ECT2: variants seen among roughly 807,000 people sequenced by gnomAD.
ECT2 encodes epithelial cell transforming 2.
ECT2 carries 61 observed loss-of-function variants against 116.9 expected under a neutral mutation model. The ratio of observed to expected loss-of-function variants is 0.52; its 90% CI spans 0.42 to 0.65. ECT2 has a LOEUF of 0.65. ECT2 is among the 30% of genes least tolerant of loss of function. The probability of loss-of-function intolerance (pLI) is 0.00; values close to 1 mark genes in which losing one functional copy is unlikely to be tolerated. For synonymous variants in ECT2, 358 were observed against 346.4 expected, an observed-to-expected ratio of 1.03 and a Z score of -0.37; for missense variants, 937 against 1,078.7, an observed-to-expected ratio of 0.87 and a Z score of 1.84.
chr3:172,751,380 G>A (rs1715778072), intron 1 of ECT2, among the ~76,000 whole-genome samples: 2 of 152,212 alleles, frequency 1.3e-5, no homozygotes, highest in Admixed American at 1.3e-4. Flanking sequence ...GGATTTAGCC[G>A]GGCTTTGAAT....
rs755267624 is a variant in ECT2 at position 172,759,002 on chromosome 3, C to G, written c.509C>G (p.Pro170Arg). ...KGEPLPFSCR[P>R]LYCTSMMNLV... The stretch of plus-strand genomic sequence containing the variant: ...CAGCCTTTGCCATTTTCATGTCGCC[C>G]GTTGTATTGTACAAGTATGATGAAT... The change falls in exon 6 of 25, where the codon CCG becomes CGG. Residue 170 changes from proline (P) to arginine (R), a missense_variant. Coordinates refer to ENST00000392692, the MANE Select transcript of ECT2 (RefSeq NM_001258315.2). 1.2e-6 allele frequency: 2 copies of G among 1,609,998 alleles called. No homozygotes were observed. The highest frequency in any genetic ancestry group is 1.7e-6 in the Non-Finnish European group (2 of 1,178,948).
Position 172,782,149 on chromosome 3 carries a change from T to C in ECT2, c.1549-14T>C. On this transcript the variant is annotated splice_polypyrimidine_tract_variant and intron_variant, in intron 14 of 24. Coordinates refer to ENST00000392692, the MANE Select transcript of ECT2 (RefSeq NM_001258315.2). ...CAGGTTTAATTTTAAATATTTCAAT[T>C]CGTGCTATTTCAGGATGATCTTGAA... 6.6e-7 allele frequency: 1 copy of C among 1,506,948 alleles called. No homozygotes were observed. The highest frequency in any genetic ancestry group is 1.3e-5 in the South Asian group (1 of 76,086). 93.3% of individuals were successfully genotyped at this position (1,506,948 alleles called of 1,614,324 possible). A position where few individuals can be genotyped will look rare whatever the true frequency, so the allele number is the denominator to read the frequency against.
chr3:172,763,261 G>A (rs1001566571), intron 11 of ECT2, among the ~76,000 whole-genome samples: 8 of 152,172 alleles, frequency 5.3e-5, no homozygotes, highest in South Asian at 2.1e-4. Flanking sequence ...AGATTTGTAC[G>A]TAGTTAACGA....
At chr3:172,782,586 T>C (rs533589960) in intron 15 of ECT2, among the ~76,000 whole-genome samples, 1 of 152,344 alleles carries the variant, frequency 6.6e-6, no homozygotes, top group Admixed American at 6.5e-5. Context: ...GTTTATTATA[T>C]AGGTAAAATT....
intron 4 of ECT2, among the ~76,000 whole-genome samples, chr3:172,756,405 T>C (rs938935372): frequency 5.9e-5 from 9 of 152,306 alleles, no homozygotes; most frequent in African/African-American, 2.2e-4. Context: ...ACTTGCCTTT[T>C]TATATCCTAC....
chr3:172,774,250 T>C (rs1721232748), intron 14 of ECT2, among the ~76,000 whole-genome samples: 1 of 152,190 alleles, frequency 6.6e-6, no homozygotes, highest in South Asian at 2.1e-4. Flanking sequence ...CAGGTTTTAG[T>C]GCATTGATGT....
the ECT2 span, among the ~76,000 whole-genome samples, chr3:172,828,215 A>C: frequency 2.6e-5 from 4 of 152,216 alleles, no homozygotes; most frequent in African/African-American, 7.2e-5. Context: ...CTTTATTTAC[A>C]ATAATTAAAG....
chr3:172,751,168 TG>T (rs1323166706), intron 1 of ECT2: 3 of 152,396 alleles, frequency 2.0e-5, no homozygotes, highest in Admixed American at 6.5e-5. Context: ...CGCGCAGCCC[TG>T]TGGCTTTGGG....
chr3:172,772,623 CAA>C lies in ECT2; in HGVS notation c.1429-1279_1429-1278del, dbSNP rs544049778. Among the ~76,000 whole-genome samples, 865 of 152,118 alleles carry C rather than the reference CAA, an allele frequency of 5.7e-3. 4 individuals are homozygous for C. Among genetic ancestry groups the C allele is most frequent in the Admixed American group, 8.7e-3 (133 of 15,284 alleles). The stretch of plus-strand genomic sequence containing the variant: ...TGCTGAAGAAAAGTAAATTTTTATT[CAA>C]GTCTAATTTAACAGTTTTTTTCATT... On this transcript the variant is annotated intron_variant, in intron 13 of 24. Coordinates refer to ENST00000392692, the MANE Select transcript of ECT2 (RefSeq NM_001258315.2).
At chr3:172,809,001 C>G (rs1351897842) in intron 22 of ECT2, among the ~76,000 whole-genome samples, 1 of 151,828 alleles carries the variant, frequency 6.6e-6, no homozygotes. Flanking sequence ...CTAACAAATA[C>G]AATAGAATGC....
chr3:172,755,661 A>C, intron 4 of ECT2, 86 bp downstream of exon 4: 1 of 719,648 alleles, frequency 1.4e-6, no homozygotes, highest in South Asian at 2.1e-5. Flanking sequence ...AATTAGGCAC[A>C]AGGTGTATTG....
chr3:172,770,850 A>G (rs1720491085), intron 13 of ECT2, among the ~76,000 whole-genome samples: 2 of 152,242 alleles, frequency 1.3e-5, no homozygotes, highest in Middle Eastern at 3.4e-3. Context: ...ACTTTATACT[A>G]GAAGAGGAGA....
intron 7 of ECT2, among the ~76,000 whole-genome samples, chr3:172,760,757 G>T (rs1011358683): frequency 8.9e-6 from 1 of 112,560 alleles, no homozygotes; most frequent in African/African-American, 3.6e-5. Context: ...GTCTCTCTCT[G>T]TCACCCAGGC....
chr3:172,815,969 G>A (rs1437542254), intron 23 of ECT2, among the ~76,000 whole-genome samples: 4 of 152,082 alleles, frequency 2.6e-5, no homozygotes, highest in Non-Finnish European at 5.9e-5. Flanking sequence ...TACTGTTGGT[G>A]TTTTAGATTT....
intron 18 of ECT2, among the ~76,000 whole-genome samples, chr3:172,796,848 G>C (rs1042353489): frequency 2.0e-5 from 3 of 151,836 alleles, no homozygotes; most frequent in Non-Finnish European, 4.4e-5. Context: ...TAGTAGATAT[G>C]AGGTTTCGCT....
intron 6 of ECT2, 122 bp downstream of exon 6, chr3:172,759,191 C>G (rs1170836763): frequency 3.2e-6 from 2 of 630,572 alleles, no homozygotes; most frequent in African/African-American, 3.8e-5. Context: ...CTTATTATGG[C>G]TATACCAGAT....
chr3:172,789,844 C>T (rs563247452), intron 18 of ECT2, among the ~76,000 whole-genome samples: 3 of 152,292 alleles, frequency 2.0e-5, no homozygotes, highest in African/African-American at 4.8e-5. Flanking sequence ...CATCTTTAGT[C>T]TCCACTTCTA....
rs150795549 is a variant in ECT2, at chr3:172,821,244, A to C, written c.*1007A>C. 14 of 152,028 alleles carry C rather than the reference A, an allele frequency of 9.2e-5. No individual in the cohort carries two copies. Among genetic ancestry groups the C allele is most frequent in the African/African-American group, 3.4e-4 (14 of 41,552 alleles). The allele number at this position is 152,028 out of a possible 1,614,324, so 9.4% of individuals were successfully genotyped here. On this transcript the variant is annotated 3_prime_UTR_variant, in exon 25 of 25. Coordinates refer to ENST00000392692, the MANE Select transcript of ECT2 (RefSeq NM_001258315.2). The stretch of plus-strand genomic sequence containing the variant: ...GCCTTTTTATAGTCAGTAATTCAGA[A>C]TAATCAAGTTCATATGGATAAATGC...
chr3:172,803,071 T>A, intron 20 of ECT2, 91 bp downstream of exon 20: 1 of 1,205,528 alleles, frequency 8.3e-7, no homozygotes, highest in Non-Finnish European at 1.1e-6. Flanking sequence ...AAGAGTAATG[T>A]AGAATTTTAA....
Sources: gnomAD v4.1 joint callset for allele counts (sites outside exome capture counted in the v4.1 genomes callset) on GRCh38, gnomAD v4.1.1 for gene constraint, MANE v1.5 for transcripts, NCBI Gene and HGNC (gene_info 2026-07-23, HGNC 2026-07-21) for gene names.